NRP1: variants seen among roughly 807,000 people sequenced by gnomAD.
NRP1 encodes the protein neuropilin 1.
A neutral mutation model predicts 106.7 loss-of-function variants in NRP1; 35 were observed. The observed-to-expected ratio is 0.33, with a 90% CI of 0.25 to 0.43. The LOEUF (loss-of-function observed/expected upper bound fraction) is 0.43, where lower values mean the gene tolerates loss of function less well. Among genes scored for constraint, NRP1 ranks in the 20% least tolerant of loss-of-function variants. The pLI is 1.00. For missense variants in NRP1, 1,024 were observed against 1,170.4 expected, an observed-to-expected ratio of 0.87 and a Z score of 1.83; for synonymous variants, 437 against 417.9, an observed-to-expected ratio of 1.05 and a Z score of -0.56.
chr10:33,184,159 T>G (rs1835862916), intron 15 of NRP1, among the ~76,000 whole-genome samples: 1 of 152,098 alleles, frequency 6.6e-6, no homozygotes, highest in Non-Finnish European at 1.5e-5. Context: ...TTACTACAGC[T>G]GCGTGCCACC....
intron 2 of NRP1, among the ~76,000 whole-genome samples, chr10:33,296,421 C>G (rs1198697151): frequency 1.3e-5 from 2 of 152,122 alleles, no homozygotes; most frequent in Non-Finnish European, 2.9e-5. Context: ...CCAAGCCAGC[C>G]CAGAGCCATC....
chr10:33,317,858 T>C (rs1444971430), intron 2 of NRP1, among the ~76,000 whole-genome samples: 3 of 152,244 alleles, frequency 2.0e-5, no homozygotes, highest in Non-Finnish European at 4.4e-5. Context: ...GAAATTCTTA[T>C]TGGCTGAATG....
intron 6 of NRP1, among the ~76,000 whole-genome samples, chr10:33,248,115 C>T (rs1022779946): frequency 5.9e-5 from 9 of 152,124 alleles, no homozygotes; most frequent in African/African-American, 2.2e-4. Context: ...TGGGATGACA[C>T]GCCATCTCTA....
chr10:33,320,511 G>T (rs117214537), intron 2 of NRP1, among the ~76,000 whole-genome samples: 1,532 of 152,256 alleles, frequency 0.01, 22 homozygotes, highest in Non-Finnish European at 0.018. Flanking sequence ...CACCCAGGGA[G>T]TGGCTGTCTT....
intron 2 of NRP1, among the ~76,000 whole-genome samples, chr10:33,300,098 A>G (rs1419695221): frequency 6.6e-6 from 1 of 152,182 alleles, no homozygotes; most frequent in Non-Finnish European, 1.5e-5. Flanking sequence ...GTATTCCTGT[A>G]CAACCTGCTC....
Position 33,207,623 on chromosome 10 carries a change from T to G in NRP1, c.1708A>C (p.Thr570Pro). 1 of 1,614,152 alleles carries G rather than the reference T, an allele frequency of 6.2e-7. No individual in the cohort carries two copies. Among genetic ancestry groups the G allele is most frequent in the Non-Finnish European group, 8.5e-7 (1 of 1,180,014 alleles). Residue 570 changes from threonine (T) to proline (P), a missense_variant, in exon 10 of 17, where the codon ACT becomes CCT. Around this residue, in one of 5 missense-constraint regions of NRP1, gnomAD observed 562 missense variants for 620.3 expected, o/e 0.91. Coordinates refer to ENST00000374867, the MANE Select transcript of NRP1 (RefSeq NM_003873.7). The stretch of plus-strand genomic sequence containing the variant: ...ATTCTGAGCCCCAGTCCGCCATGAG[T>G]GGCTCTCTCGGGGTAGATCCTGATG... ...RFIRIYPERATHGGLGLRMEL... is the reference protein window; with the variant it reads ...RFIRIYPERAPHGGLGLRMEL...
At position 33,224,032 on chromosome 10, in the gene NRP1, C is replaced by G. The variant is rs1839462247; in HGVS notation, c.1137+2102G>C. Among the ~76,000 whole-genome samples the G allele has an allele frequency of 2.0e-5, 3 of 152,078 alleles. No individual in the cohort carries two copies. In the South Asian group the frequency reaches 6.2e-4, roughly 32 times the overall value. The stretch of plus-strand genomic sequence containing the variant: ...GTTGTTGGTGGTCGAAAGCTGCACT[C>G]CTGGAGCAAAGTGGGAATGAAGGTA... On this transcript the variant is annotated intron_variant, in intron 7 of 16. Transcript: ENST00000374867.
chr10:33,185,828 T>C, intron 14 of NRP1, 104 bp from the exon 15 acceptor site: 1 of 1,012,862 alleles, frequency 9.9e-7, no homozygotes, highest in Non-Finnish European at 1.5e-6. Context: ...ATTAAATTCA[T>C]CAGATTCAGC....
chr10:33,267,767 A>C (rs1187658195), intron 3 of NRP1, among the ~76,000 whole-genome samples: 2 of 152,170 alleles, frequency 1.3e-5, no homozygotes, highest in Non-Finnish European at 2.9e-5. Flanking sequence ...CCAAAGTTTC[A>C]GCATCTGGGA....
At chr10:33,330,948 G>A (rs1431401776) in intron 1 of NRP1, 66 bp from the exon 2 acceptor site, 1 of 1,342,788 alleles carries the variant, frequency 7.4e-7, no homozygotes, top group African/African-American at 1.5e-5. Flanking sequence ...AGCTTTATAT[G>A]TAAATTACTG....
chr10:33,284,218 T>C (rs1279028076), intron 2 of NRP1, among the ~76,000 whole-genome samples: 1 of 152,190 alleles, frequency 6.6e-6, no homozygotes, highest in African/African-American at 2.4e-5. Context: ...AAAAAGGGGA[T>C]TTGTTTTTAC....
intron 6 of NRP1, among the ~76,000 whole-genome samples, chr10:33,241,830 T>G (rs1841049136): frequency 1.3e-5 from 2 of 152,234 alleles, no homozygotes. Context: ...GATTAAAACA[T>G]ATCACTTTGA....
intron 6 of NRP1, among the ~76,000 whole-genome samples, chr10:33,243,406 G>A (rs1001681300): frequency 2.0e-5 from 3 of 152,132 alleles, no homozygotes; most frequent in African/African-American, 7.2e-5. Flanking sequence ...TTAAATGCTT[G>A]AAACAACCCA....
At chr10:33,219,727 A>C (rs11009304) in intron 8 of NRP1, among the ~76,000 whole-genome samples, 134 of 152,348 alleles carry the variant, frequency 8.8e-4, no homozygotes, top group Non-Finnish European at 1.7e-3. Context: ...ATTGTATTCA[A>C]CTAAAAGGAT....
chr10:33,321,381 G>T (rs1847496120), intron 2 of NRP1, among the ~76,000 whole-genome samples: 1 of 152,166 alleles, frequency 6.6e-6, no homozygotes, highest in Non-Finnish European at 1.5e-5. Context: ...GAATAAAAAG[G>T]ACAGACAACT....
intron 6 of NRP1, among the ~76,000 whole-genome samples, chr10:33,228,337 A>G (rs1488056850): frequency 6.6e-6 from 1 of 152,134 alleles, no homozygotes; most frequent in Non-Finnish European, 1.5e-5. Flanking sequence ...TCGCCACCGC[A>G]CTCCAGCCTG....
At chr10:33,320,173 C>T (rs1162848337) in intron 2 of NRP1, among the ~76,000 whole-genome samples, 1 of 151,844 alleles carries the variant, frequency 6.6e-6, no homozygotes, top group Non-Finnish European at 1.5e-5. Context: ...ATTAGCTGGG[C>T]GTGGTGGCGT....
intron 9 of NRP1, 92 bp from the exon 10 acceptor site, chr10:33,207,808 T>C: frequency 7.2e-7 from 1 of 1,397,422 alleles, no homozygotes; most frequent in Non-Finnish European, 9.8e-7. Context: ...GGACTCTGAA[T>C]AAGGCAGAGA....
intron 13 of NRP1, among the ~76,000 whole-genome samples, chr10:33,191,956 C>G (rs1164658898): frequency 9.4e-6 from 1 of 105,896 alleles, no homozygotes; most frequent in African/African-American, 3.8e-5. Context: ...CCAGCCCGGG[C>G]AACAGTGTGA....
Sources: allele counts gnomAD v4.1 joint callset (sites outside exome capture counted in the v4.1 genomes callset), GRCh38; gene constraint gnomAD v4.1.1; regional missense constraint gnomAD v4.1.1; transcripts MANE v1.5; gene names NCBI Gene and HGNC (gene_info 2026-07-23, HGNC 2026-07-21).